Variants in ST7L observed in about 807,000 individuals in gnomAD.
The protein encoded by ST7L is suppressor of tumorigenicity 7 protein-like.
In ST7L, 57 loss-of-function variants were observed where a neutral mutation model predicts 72.5. The observed-to-expected ratio is 0.79, with a 90% CI of 0.64 to 0.98. The LOEUF is 0.98. ST7L is among the 50% of genes least tolerant of loss of function. The pLI is 0.00. For missense variants in ST7L, 576 were observed against 672.2 expected, an observed-to-expected ratio of 0.86 and a Z score of 1.58; for synonymous variants, 221 against 240.9, an observed-to-expected ratio of 0.92 and a Z score of 0.77.
upstream of ST7L, chr1:112,619,207 CCT>C: frequency 7.8e-7 from 1 of 1,288,334 alleles, no homozygotes; most frequent in Non-Finnish European, 1.1e-6. Context: ...CTGAAGTTGG[CCT>C]CTGTGAAGGC....
intron 3 of ST7L, among the ~76,000 whole-genome samples, chr1:112,605,079 C>G (rs1414982364): frequency 7.9e-6 from 1 of 126,030 alleles, no homozygotes; most frequent in Admixed American, 8.6e-5. Context: ...AAGAGTGAAA[C>G]TCCGGCTCCA....
chr1:112,544,692 T>C (rs1244380954), intron 13 of ST7L, among the ~76,000 whole-genome samples: 1 of 152,284 alleles, frequency 6.6e-6, no homozygotes, highest in Non-Finnish European at 1.5e-5. Flanking sequence ...CTTTAATTTA[T>C]ATTAGCTCAT....
At chr1:112,583,908 G>T in intron 7 of ST7L, 64 bp downstream of exon 7, 2 of 1,532,410 alleles carry the variant, frequency 1.3e-6, no homozygotes, top group Non-Finnish European at 8.8e-7. Flanking sequence ...ATTGTTGTTT[G>T]TGTTAAGACA....
intron 11 of ST7L, among the ~76,000 whole-genome samples, chr1:112,568,490 C>T (rs1661436244): frequency 6.6e-6 from 1 of 151,386 alleles, no homozygotes; most frequent in Admixed American, 6.6e-5. Context: ...GCGCCCACCA[C>T]CATGCCTGGC....
intron 12 of ST7L, among the ~76,000 whole-genome samples, chr1:112,554,629 C>T (rs975221583): frequency 1.3e-5 from 2 of 151,902 alleles, no homozygotes; most frequent in African/African-American, 4.8e-5. Context: ...GGGCATATAC[C>T]CAAAAGAACT....
chr1:112,613,718 T>G (rs1301575982), intron 2 of ST7L, among the ~76,000 whole-genome samples: 1 of 152,074 alleles, frequency 6.6e-6, no homozygotes, highest in Non-Finnish European at 1.5e-5. Flanking sequence ...AAGGTTTTTT[T>G]GGGTTTTTGT....
chr1:112,605,778 A>G lies in ST7L; in HGVS notation c.452-4930T>C, dbSNP rs141824905. ...ACTGGGGTGGCAGTGTCACCCCCAT[A>G]TCTCTGTGGTACAGCCCCACCCATG... On this transcript the variant is annotated intron_variant, in intron 3 of 14. Coordinates refer to ENST00000358039, the MANE Select transcript of ST7L (RefSeq NM_017744.5). Among the ~76,000 whole-genome samples the G allele has an allele frequency of 3.8e-3, 581 of 152,046 alleles. 1 individual carries two copies. Among genetic ancestry groups the G allele is most frequent in the African/African-American group, 0.013 (554 of 41,494 alleles).
chr1:112,610,753 G>A, intron 3 of ST7L, 88 bp downstream of exon 3: 1 of 1,472,852 alleles, frequency 6.8e-7, no homozygotes, highest in Non-Finnish European at 9.3e-7. Context: ...GCACACCACA[G>A]CACTCTGCTG....
chr1:112,582,147 A>G (rs777132099), intron 8 of ST7L, 41 bp from the exon 9 acceptor site: 1 of 1,444,788 alleles, frequency 6.9e-7, no homozygotes, highest in Admixed American at 1.7e-5. Context: ...ATCATAACAA[A>G]GGAACTCAAT....
intron 11 of ST7L, among the ~76,000 whole-genome samples, chr1:112,568,865 T>TATATAA (rs1553247588): frequency 2.6e-4 from 24 of 91,178 alleles, no homozygotes; most frequent in African/African-American, 8.1e-4. Context: ...AATATAAATA[T>TATATAA]ATATATATAT....
intron 11 of ST7L, among the ~76,000 whole-genome samples, chr1:112,559,382 C>T (rs1290909930): frequency 1.3e-5 from 2 of 151,942 alleles, no homozygotes; most frequent in Non-Finnish European, 2.9e-5. Context: ...TACAGGCATG[C>T]ACCATGATGC....
At chr1:112,576,943 T>C in intron 11 of ST7L, 43 bp downstream of exon 11, 1 of 1,436,672 alleles carries the variant, frequency 7.0e-7, no homozygotes. Flanking sequence ...ATCAATTTGA[T>C]AAACTTAAAT....
chr1:112,610,711 G>A, intron 3 of ST7L, 130 bp downstream of exon 3: 1 of 1,123,112 alleles, frequency 8.9e-7, no homozygotes, highest in Non-Finnish European at 1.3e-6. Context: ...ACATCACATT[G>A]GTGATTAGAA....
chr1:112,602,632 A>G (rs1667589370), intron 3 of ST7L, among the ~76,000 whole-genome samples: 1 of 152,110 alleles, frequency 6.6e-6, no homozygotes, highest in African/African-American at 2.4e-5. Flanking sequence ...CCCCTTTTGT[A>G]ATGAAACACC....
chr1:112,526,844 G>C (rs1429816562), intron 14 of ST7L: 1 of 152,118 alleles, frequency 6.6e-6, no homozygotes, highest in African/African-American at 2.4e-5. Context: ...GAGGGAATAA[G>C]TGTCCTAAGA....
At chr1:112,570,656 C>A in intron 11 of ST7L, 1 of 432,750 alleles carries the variant, frequency 2.3e-6, no homozygotes, top group African/African-American at 2.1e-5. Flanking sequence ...AGAAGAAAAC[C>A]CCTAAATCCC....
Position 112,618,911 on chromosome 1 carries a change from G to A in ST7L, c.203C>T (p.Ala68Val), listed in dbSNP as rs1670394522. Residue 68 changes from alanine to valine, a missense_variant and splice_region_variant, in exon 1 of 15, where the codon GCG becomes GTG. Coordinates refer to ENST00000358039, the MANE Select transcript of ST7L (RefSeq NM_017744.5). ...CCCAGGAGGTCTGGTCCTCTCACCC[G>A]CTGCCAAATTCTCACACAGCCTCAA... Reference protein sequence around the residue: ...IPLRLCENLAAVTVFLNSLTP... With the variant: ...IPLRLCENLAVVTVFLNSLTP... The A allele has an allele frequency of 1.9e-6, 3 of 1,557,680 alleles. No individual in the cohort carries two copies. The highest frequency in any genetic ancestry group is 2.6e-6 in the Non-Finnish European group (3 of 1,150,824).
intron 13 of ST7L, among the ~76,000 whole-genome samples, chr1:112,549,739 A>G (rs1657787435): frequency 6.6e-6 from 1 of 152,124 alleles, no homozygotes; most frequent in Admixed American, 6.6e-5. Context: ...TTGAATAAAG[A>G]GAGTTTTACT....
At chr1:112,532,150 G>A (rs1231581286) in intron 14 of ST7L, among the ~76,000 whole-genome samples, 1 of 152,182 alleles carries the variant, frequency 6.6e-6, no homozygotes, top group Non-Finnish European at 1.5e-5. Context: ...AAAACATCCA[G>A]CTGAATTTTA....
Sources: gnomAD v4.1 joint callset for allele counts (sites outside exome capture counted in the v4.1 genomes callset) on GRCh38, gnomAD v4.1.1 for gene constraint, MANE v1.5 for transcripts, NCBI Gene and HGNC (gene_info 2026-07-23, HGNC 2026-07-21) for gene names.